ADAMTS5: variants seen among roughly 807,000 people sequenced by gnomAD.
ADAMTS5 encodes ADAM metallopeptidase with thrombospondin type 1 motif 5.
A neutral mutation model predicts 81.4 loss-of-function variants in ADAMTS5; 54 were observed. That is an observed-to-expected ratio of 0.66 (90% CI 0.53 to 0.83). The LOEUF is 0.83. ADAMTS5 is among the 40% of genes least tolerant of loss of function. The pLI, the probability that ADAMTS5 is intolerant of heterozygous loss-of-function variation, is 0.00. For missense variants in ADAMTS5, 1,194 were observed against 1,229.9 expected, an observed-to-expected ratio of 0.97 and a Z score of 0.44; for synonymous variants, 532 against 508.8, an observed-to-expected ratio of 1.05 and a Z score of -0.61.
intron 3 of ADAMTS5, among the ~76,000 whole-genome samples, chr21:26,942,374 G>A (rs147668949): frequency 0.011 from 1,688 of 152,204 alleles, 13 homozygotes; most frequent in Non-Finnish European, 0.014. Context: ...ACTTTGAACC[G>A]TATATCATGA....
rs762539108 is a variant in ADAMTS5 at position 26,924,135 on chromosome 21, T to C, written c.2711A>G (p.Asp904Gly). The C allele has an allele frequency of 1.2e-6, 2 of 1,613,356 alleles. No homozygotes were observed. Among genetic ancestry groups the C allele is most frequent in the Non-Finnish European group, 1.7e-6 (2 of 1,179,436 alleles). ...TCCTTTTGCTAACTTCCGGTTTCCA[T>C]CCTGGCACTGCACCGTTCTGGTGTG... ...GWHTRTVQCQ[D>G]GNRKLAKGCP... Residue 904 changes from aspartate to glycine, a missense_variant, in exon 8 of 8, where the codon GAT (aspartate) becomes GGT (glycine). By Grantham distance (94) the Asp-to-Gly change is moderately conservative. Coordinates refer to ENST00000284987, the MANE Select transcript of ADAMTS5 (RefSeq NM_007038.5).
intron 1 of ADAMTS5, among the ~76,000 whole-genome samples, chr21:26,961,039 G>T (rs1202709619): frequency 6.6e-6 from 1 of 152,174 alleles, no homozygotes; most frequent in African/African-American, 2.4e-5. Context: ...TAAGAAAGGG[G>T]CTACTTTTTA....
rs144343669 is a variant in ADAMTS5 at position 26,966,604 on chromosome 21, T to G, written c.-213A>C. On this transcript the variant is annotated 5_prime_UTR_variant, in exon 1 of 8. Transcript: ENST00000284987. ...TTTTCTTTGTTGCTTGGGAAAATGTTTGGATTCGTGCTCCAGAAAGAGGTG... is the reference window on the plus strand; with the variant it reads ...TTTTCTTTGTTGCTTGGGAAAATGTGTGGATTCGTGCTCCAGAAAGAGGTG... 8.4e-3 allele frequency: 1,040 copies of G among 123,774 alleles called. 6 individuals carry two copies. Among genetic ancestry groups the G allele is most frequent in the Middle Eastern group, 0.017 (4 of 236 alleles). The allele number at this position is 123,774 out of a possible 1,614,324, so 7.7% of individuals were successfully genotyped here. A position where few individuals can be genotyped will look rare whatever the true frequency, so the allele number is the denominator to read the frequency against.
intron 2 of ADAMTS5, among the ~76,000 whole-genome samples, chr21:26,950,193 T>G (rs576207290): frequency 1.1e-4 from 17 of 152,212 alleles, no homozygotes; most frequent in Non-Finnish European, 2.4e-4. Context: ...AAAGCAAAGC[T>G]TCGGCATGTT....
In ADAMTS5 at chr21:26,966,491, C is replaced by T. The variant is rs937061191; in HGVS notation, c.-100G>A. 2.4e-6 allele frequency: 3 copies of T among 1,251,788 alleles called. No individual in the cohort carries two copies. Among genetic ancestry groups the T allele is most frequent in the East Asian group, 3.1e-5 (1 of 32,394 alleles). The allele number at this position is 1,251,788 out of a possible 1,614,324, so 77.5% of individuals were successfully genotyped here. ...GGCGGGGGATGGGGACACACACACA[C>T]TTGCTTGCAGGATTGAGTCAAGTGT... On this transcript the variant is annotated 5_prime_UTR_variant, in exon 1 of 8. The change creates a new upstream start codon in the 5' untranslated region. Transcript: ENST00000284987.
chr21:26,923,508 T>A lies in ADAMTS5; in HGVS notation c.*545A>T, dbSNP rs1434082967. ...TCTTATTAAAACAGCAGCAAGTTCT[T>A]AATTTCCAGTAAAATATCCACAGCT... On this transcript the variant is annotated 3_prime_UTR_variant, in exon 8 of 8. Transcript: ENST00000284987. 6.5e-6 allele frequency: 1 copy of A among 152,766 alleles called. No homozygotes were observed. Among genetic ancestry groups the A allele is most frequent in the Non-Finnish European group, 1.5e-5 (1 of 68,124 alleles). The allele number at this position is 152,766 out of a possible 1,614,324, so 9.5% of individuals were successfully genotyped here. A position where few individuals can be genotyped will look rare whatever the true frequency, so the allele number is the denominator to read the frequency against.
At chr21:26,953,603 T>C (rs575822575) in intron 2 of ADAMTS5, among the ~76,000 whole-genome samples, 1 of 152,314 alleles carries the variant, frequency 6.6e-6, no homozygotes, top group South Asian at 2.1e-4. Flanking sequence ...TAATTCCCAT[T>C]TAAAAGTTAT....
intron 7 of ADAMTS5, among the ~76,000 whole-genome samples, chr21:26,929,528 A>G (rs1182514617): frequency 1.3e-5 from 2 of 152,212 alleles, no homozygotes; most frequent in African/African-American, 4.8e-5. Flanking sequence ...TATAGTTAAG[A>G]TCAAAACCAA....
chr21:26,965,912 G>A lies in ADAMTS5; in HGVS notation c.480C>T (p.His160=). The A allele has an allele frequency of 6.2e-7, 1 of 1,613,872 alleles. No homozygotes were observed. Among genetic ancestry groups the A allele is most frequent in the South Asian group, 1.1e-5 (1 of 91,078 alleles). ...GCAGTGGCTTTAGGGTGTAGCGCGC[G>A]TGCTTGACCGCGAAGAAGCCGTCGA... The part of the protein sequence containing the change: ...GGLDGFFAVK[H]ARYTLKPLLR... Residue 160 remains histidine, a synonymous_variant, in exon 1 of 8, where the codon CAC becomes CAT. Coordinates refer to ENST00000284987, the MANE Select transcript of ADAMTS5 (RefSeq NM_007038.5).
At position 26,965,782 on chromosome 21, in the gene ADAMTS5, G is replaced by A. The variant is rs936172780; in HGVS notation, c.610C>T (p.Pro204Ser). Residue 204 changes from proline to serine, a missense_variant, in exon 1 of 8, where the codon CCG becomes TCG. By Grantham distance (74) the Pro-to-Ser change is moderately conservative. This residue lies in a region of ADAMTS5 where 498 missense variants were observed against 412.3 expected (regional missense o/e 1.21). Transcript: ENST00000284987. ...GGGGTTTCGCAGCTGGCGCGCGGCG[G>A]CAGGGCCTCGAAGCTGAAGCCCTCG... ...TREGFSFEAL[P>S]PRASCETPAS... The A allele has an allele frequency of 1.6e-5, 25 of 1,601,926 alleles. No homozygotes were observed. Among genetic ancestry groups the A allele is most frequent in the Non-Finnish European group, 1.6e-5 (19 of 1,174,526 alleles).
chr21:26,966,406 G>T lies in ADAMTS5; in HGVS notation c.-15C>A. ...CCGAGCAGCATAGTGCGCTGCCCGC[G>T]GGGAGGGGCTGCGCGACTGGGACTT... On this transcript the variant is annotated 5_prime_UTR_variant, in exon 1 of 8. Transcript: ENST00000284987. 1 of 1,425,620 alleles carries T rather than the reference G, an allele frequency of 7.0e-7. No homozygotes were observed. The highest frequency in any genetic ancestry group is 9.1e-7 in the Non-Finnish European group (1 of 1,102,760). 88.3% of individuals were successfully genotyped at this position (1,425,620 alleles called of 1,614,324 possible). A position where few individuals can be genotyped will look rare whatever the true frequency, so the allele number is the denominator to read the frequency against.
At chr21:26,955,750 A>G (rs1987414097) in intron 1 of ADAMTS5, among the ~76,000 whole-genome samples, 1 of 152,214 alleles carries the variant, frequency 6.6e-6, no homozygotes, top group South Asian at 2.1e-4. Context: ...CTATTTGAGT[A>G]TTAATGGACA....
At position 26,965,842 on chromosome 21, in the gene ADAMTS5, C is replaced by T. The variant is rs746050718; in HGVS notation, c.550G>A (p.Asp184Asn). ...ACGTGCAGGATCCGTGCGGACCCAT[C>T]CCCGTACACGCGCCCCTTTTCTTCC... ...AEEEKGRVYG[D>N]GSARILHVYT... The change falls in exon 1 of 8, where the codon GAT (aspartate) becomes AAT (asparagine). Residue 184 changes from aspartate to asparagine, a missense_variant. Coordinates refer to ENST00000284987, the MANE Select transcript of ADAMTS5 (RefSeq NM_007038.5). 2.5e-6 allele frequency: 4 copies of T among 1,612,084 alleles called. No homozygotes were observed. In the East Asian group the frequency reaches 6.7e-5, roughly 27 times the overall value.
intron 4 of ADAMTS5, among the ~76,000 whole-genome samples, chr21:26,933,852 C>T (rs1986960362): frequency 6.6e-6 from 1 of 152,188 alleles, no homozygotes; most frequent in African/African-American, 2.4e-5. Context: ...CAGGATAATT[C>T]TCTTCTAGGG....
Position 26,957,625 on chromosome 21 carries a change from C to A in ADAMTS5, c.1105-2754G>T, listed in dbSNP as rs1987453728. ...AGGTAAGTGATTATCTTTGTCATAT[C>A]AAATAAGGCTTGTTTTATGCAAGAT... On this transcript the variant is annotated intron_variant, in intron 1 of 7. Coordinates refer to ENST00000284987, the MANE Select transcript of ADAMTS5 (RefSeq NM_007038.5). Among the ~76,000 whole-genome samples the A allele has an allele frequency of 2.0e-5, 3 of 151,586 alleles. No homozygotes were observed. The South Asian group carries it at 6.2e-4, about 32-fold the overall frequency.
intron 1 of ADAMTS5, among the ~76,000 whole-genome samples, chr21:26,959,375 A>G (rs1987483929): frequency 6.6e-6 from 1 of 152,186 alleles, no homozygotes; most frequent in Non-Finnish European, 1.5e-5. Flanking sequence ...AAAGCATTCC[A>G]ATTTATAAAG....
At chr21:26,958,680 T>G (rs1250142435) in intron 1 of ADAMTS5, among the ~76,000 whole-genome samples, 2 of 152,198 alleles carry the variant, frequency 1.3e-5, no homozygotes, top group Non-Finnish European at 1.5e-5. Context: ...TGCCAGACAC[T>G]GTGGAAGTGC....
At chr21:26,944,703 A>G (rs1987180830) in intron 2 of ADAMTS5, among the ~76,000 whole-genome samples, 1 of 152,174 alleles carries the variant, frequency 6.6e-6, no homozygotes, top group South Asian at 2.1e-4. Flanking sequence ...TGGGATCTTG[A>G]ATGCCAAACG....
In ADAMTS5 at chr21:26,923,993, C is replaced by A; in HGVS notation, c.*60G>T. 6.7e-7 allele frequency: 1 copy of A among 1,502,198 alleles called. No homozygotes were observed. Among genetic ancestry groups the A allele is most frequent in the Admixed American group, 2.0e-5 (1 of 48,976 alleles). The allele number at this position is 1,502,198 out of a possible 1,614,324, so 93.1% of individuals were successfully genotyped here. On this transcript the variant is annotated 3_prime_UTR_variant, in exon 8 of 8. Coordinates refer to ENST00000284987, the MANE Select transcript of ADAMTS5 (RefSeq NM_007038.5). ...TGCGTTAGGTAGACCTCCTGTTCAC[C>A]ACGACTGCATCAGTGCTGAATCCTC...
Sources: gnomAD v4.1 joint callset for allele counts (sites outside exome capture counted in the v4.1 genomes callset) on GRCh38, gnomAD v4.1.1 for gene constraint, gnomAD v4.1.1 regional missense constraint, MANE v1.5 for transcripts, NCBI Gene and HGNC (gene_info 2026-07-23, HGNC 2026-07-21) for gene names.